TTC28: variants seen among roughly 807,000 people sequenced by gnomAD.
The protein encoded by TTC28 is tetratricopeptide repeat domain 28.
TTC28 carries 61 observed loss-of-function variants against 198.0 expected under a neutral mutation model. That is an observed-to-expected ratio of 0.31 (90% CI 0.25 to 0.38). The LOEUF is 0.38. TTC28 is among the 10% of genes least tolerant of loss of function. The probability of loss-of-function intolerance (pLI) is 1.00; values close to 1 mark genes in which losing one functional copy is unlikely to be tolerated. For missense variants in TTC28, 2,678 were observed against 3,164.0 expected (o/e 0.85, Z 3.69); for synonymous variants, 1,171 against 1,297.8 (o/e 0.90, Z 2.10).
chr22:28,631,855 C>T (rs1365585609), intron 1 of TTC28, among the ~76,000 whole-genome samples: 2 of 152,192 alleles, frequency 1.3e-5, no homozygotes. Flanking sequence ...ATAAAAATTA[C>T]GAACTGTAGA....
At chr22:27,997,226 C>T (rs1271832210) in intron 16 of TTC28, among the ~76,000 whole-genome samples, 5 of 152,238 alleles carry the variant, frequency 3.3e-5, no homozygotes, top group Non-Finnish European at 7.3e-5. Context: ...CTTCGCCTGG[C>T]AGAACCAAGG....
At chr22:28,316,121 G>T (rs943986972) in intron 2 of TTC28, among the ~76,000 whole-genome samples, 3 of 152,120 alleles carry the variant, frequency 2.0e-5, no homozygotes, top group African/African-American at 7.2e-5. Context: ...CATGTTCAGG[G>T]GATGGAATTT....
In TTC28 at chr22:28,074,983, C is replaced by A. The variant is rs148882705; in HGVS notation, c.3932+19097G>T. On this transcript the variant is annotated intron_variant, in intron 12 of 22. Coordinates refer to ENST00000397906, the MANE Select transcript of TTC28 (RefSeq NM_001145418.2). Reference sequence around the variant, plus strand: ...AGTGTGGTGGTGCACGTCTGTAATCCCAGCTGAGACACGAGAATCGCTTGA... The same window carrying A: ...AGTGTGGTGGTGCACGTCTGTAATCACAGCTGAGACACGAGAATCGCTTGA... 9.2e-3 allele frequency among the ~76,000 whole-genome samples: 1,404 copies of A among 152,042 alleles called. 25 individuals are homozygous for A. The highest frequency in any genetic ancestry group is 0.031 in the African/African-American group (1,306 of 41,468).
At chr22:28,411,329 C>T (rs985529160) in intron 2 of TTC28, among the ~76,000 whole-genome samples, 1 of 152,162 alleles carries the variant, frequency 6.6e-6, no homozygotes, top group Non-Finnish European at 1.5e-5. Flanking sequence ...TTGTTCAACT[C>T]TTATGAAAAG....
rs551606603 is a variant in TTC28 at position 28,393,331 on chromosome 22, T to C, written c.382-86688A>G. ...ATGTCAATAGCATATAGATATTGTA[T>C]TGGTTCATGGGTGTGATTTTTTTTT... On this transcript the variant is annotated intron_variant, in intron 2 of 22. Coordinates refer to ENST00000397906, the MANE Select transcript of TTC28 (RefSeq NM_001145418.2). 1.1e-4 allele frequency among the ~76,000 whole-genome samples: 16 copies of C among 152,290 alleles called. No homozygotes were observed. In the East Asian group the frequency reaches 3.1e-3, roughly 29 times the overall value.
chr22:28,630,632 C>T (rs937712974), intron 1 of TTC28, among the ~76,000 whole-genome samples: 1 of 152,042 alleles, frequency 6.6e-6, no homozygotes, highest in African/African-American at 2.4e-5. Flanking sequence ...TCCTTTATAG[C>T]CACACAAAAC....
At chr22:28,202,326 C>G (rs561266661) in intron 5 of TTC28, among the ~76,000 whole-genome samples, 2 of 152,162 alleles carry the variant, frequency 1.3e-5, no homozygotes, top group African/African-American at 4.8e-5. Context: ...TACTTGAGGT[C>G]AGGAGTTTGA....
At position 28,105,904 on chromosome 22, in the gene TTC28, A is replaced by G. The variant is rs1386853347; in HGVS notation, c.2784-102T>C. The G allele has an allele frequency of 4.4e-6, 6 of 1,354,894 alleles. No individual in the cohort carries two copies. In the Admixed American group the frequency reaches 1.4e-4, roughly 32 times the overall value. The allele number at this position is 1,354,894 out of a possible 1,614,324, so 83.9% of individuals were successfully genotyped here. On this transcript the variant is annotated intron_variant, in intron 7 of 22. Transcript: ENST00000397906. ...AAAGCATTTGTCACTGTCACTTACT[A>G]TAGAAGCTCTTAACTCCTCTTCTAG...
intron 12 of TTC28, among the ~76,000 whole-genome samples, chr22:28,084,991 C>A (rs1941519742): frequency 6.6e-6 from 1 of 152,020 alleles, no homozygotes; most frequent in Non-Finnish European, 1.5e-5. Flanking sequence ...AACAAACCCT[C>A]CAAGAAATAT....
intron 2 of TTC28, among the ~76,000 whole-genome samples, chr22:28,502,300 G>C (rs2048547722): frequency 6.6e-6 from 1 of 152,076 alleles, no homozygotes; most frequent in South Asian, 2.1e-4. Context: ...TCATTGGCTG[G>C]CTAGCAACAC....
chr22:28,348,292 C>T (rs567838332), intron 2 of TTC28, among the ~76,000 whole-genome samples: 10 of 152,282 alleles, frequency 6.6e-5, no homozygotes, highest in South Asian at 2.1e-4. Context: ...TCTTTTCATA[C>T]GCCTCTCATC....
intron 1 of TTC28, among the ~76,000 whole-genome samples, chr22:28,663,190 G>C (rs1225809710): frequency 6.6e-6 from 1 of 151,310 alleles, no homozygotes; most frequent in Non-Finnish European, 1.5e-5. Flanking sequence ...AGAGATTGCA[G>C]TGAGCCGAGA....
At chr22:28,391,747 A>G (rs1453293481) in intron 2 of TTC28, among the ~76,000 whole-genome samples, 1 of 152,096 alleles carries the variant, frequency 6.6e-6, no homozygotes, top group Non-Finnish European at 1.5e-5. Context: ...GTTCTTCTAA[A>G]CTTTTTTGAA....
chr22:28,574,053 C>T (rs1258077770), intron 2 of TTC28, among the ~76,000 whole-genome samples: 1 of 152,134 alleles, frequency 6.6e-6, no homozygotes, highest in Non-Finnish European at 1.5e-5. Flanking sequence ...CACTCTGTCA[C>T]CCAGGCTGGA....
At chr22:28,178,536 G>A (rs1923395948) in intron 5 of TTC28, among the ~76,000 whole-genome samples, 1 of 152,092 alleles carries the variant, frequency 6.6e-6, no homozygotes, top group African/African-American at 2.4e-5. Context: ...TCCTCCTTGG[G>A]GGAATGGCTA....
At chr22:27,998,441 G>GCCCTC (rs1436369292) in intron 16 of TTC28, 99 bp downstream of exon 16, 2 of 1,454,298 alleles carry the variant, frequency 1.4e-6, no homozygotes, top group Admixed American at 4.9e-5. Context: ...GCCTTGCCCT[G>GCCCTC]CCCTCCCCTC....
rs139804522 is a variant in TTC28 at position 28,169,863 on chromosome 22, T to C, written c.934-6264A>G. Among the ~76,000 whole-genome samples the C allele has an allele frequency of 6.2e-3, 940 of 151,784 alleles. 10 individuals carry two copies. The highest frequency in any genetic ancestry group is 0.029 in the Admixed American group (445 of 15,254). On this transcript the variant is annotated intron_variant, in intron 5 of 22. Transcript: ENST00000397906. ...AAATAAAATAAAGAACCTGATTAAA[T>C]TGGGGAATTTTAAAATAAAAACAGG...
Position 27,998,548 on chromosome 22 carries a change from T to C in TTC28, c.5111A>G (p.Asn1704Ser). The C allele has an allele frequency of 1.9e-6, 3 of 1,549,346 alleles. No homozygotes were observed. Among genetic ancestry groups the C allele is most frequent in the Non-Finnish European group, 1.7e-6 (2 of 1,146,220 alleles). Residue 1704 changes from asparagine (N) to serine (S), a missense_variant, in exon 16 of 23, where the codon AAC (asparagine) becomes AGC (serine). Asn to Ser is a conservative substitution (Grantham distance 46, BLOSUM62 1). This residue lies in a region of TTC28 where 314 missense variants were observed against 442.7 expected (regional missense o/e 0.71). Coordinates refer to ENST00000397906, the MANE Select transcript of TTC28 (RefSeq NM_001145418.2). The stretch of plus-strand genomic sequence containing the variant: ...GCCAGCCGAACTCCCACCTGCCCAG[T>C]TGGAGGGGTGCGAGAAGGCCTTGCT... ...QSSKAFSHPS[N>S]WAGFMLIGSD...
intron 7 of TTC28, among the ~76,000 whole-genome samples, chr22:28,106,075 T>C (rs9625406): frequency 0.059 from 9,025 of 152,266 alleles, 375 homozygotes; most frequent in South Asian, 0.091. Flanking sequence ...AATATATTAA[T>C]AGGCACAATG....
Sources: gnomAD v4.1 joint callset for allele counts (sites outside exome capture counted in the v4.1 genomes callset) on GRCh38, gnomAD v4.1.1 for gene constraint, gnomAD v4.1.1 regional missense constraint, MANE v1.5 for transcripts, NCBI Gene and HGNC (gene_info 2026-07-23, HGNC 2026-07-21) for gene names.